The following PCDH7 variants were observed in gnomAD, a reference collection of about 807,000 sequenced individuals.
PCDH7 encodes the protein protocadherin-7.
PCDH7 carries 17 observed loss-of-function variants against 58.9 expected under a neutral mutation model. The observed-to-expected ratio is 0.29, with a 90% CI of 0.20 to 0.43. The LOEUF (loss-of-function observed/expected upper bound fraction) is 0.43. Among genes scored for constraint, PCDH7 ranks in the 20% least tolerant of loss-of-function variants. PCDH7 has a pLI of 1.00. For synonymous variants in PCDH7, 664 were observed against 616.4 expected (o/e 1.08, Z -1.14); for missense variants, 1,274 against 1,441.0 (o/e 0.88, Z 1.88).
chr4:31,015,618 C>T (rs1271375560), intron 3 of PCDH7, among the ~76,000 whole-genome samples: 1 of 152,164 alleles, frequency 6.6e-6, no homozygotes, highest in African/African-American at 2.4e-5. Flanking sequence ...CAGAATCTGT[C>T]TCTGAACTCC....
At chr4:30,977,738 G>T (rs182867000) in intron 3 of PCDH7, among the ~76,000 whole-genome samples, 2 of 152,094 alleles carry the variant, frequency 1.3e-5, no homozygotes, top group African/African-American at 4.8e-5. Flanking sequence ...TTTTGTGTAG[G>T]CCTGTGGCTC....
At chr4:30,962,807 A>T (rs1023474610) in intron 3 of PCDH7, among the ~76,000 whole-genome samples, 9 of 136,308 alleles carry the variant, frequency 6.6e-5, no homozygotes, top group African/African-American at 2.4e-4. Flanking sequence ...AAAAAAAAAC[A>T]GTGGTAATTC....
intron 1 of PCDH7, among the ~76,000 whole-genome samples, chr4:30,908,295 T>A (rs1578248697): frequency 6.7e-6 from 1 of 149,668 alleles, no homozygotes; most frequent in Admixed American, 6.7e-5. Context: ...GCTTCCTAAT[T>A]AAAGAGTCCC....
At chr4:31,093,563 G>T (rs1713544459) in intron 3 of PCDH7, among the ~76,000 whole-genome samples, 1 of 150,144 alleles carries the variant, frequency 6.7e-6, no homozygotes, top group African/African-American at 2.5e-5. Context: ...TGAATTTATA[G>T]AAATAAAGTG....
At chr4:30,863,985 G>C (rs1049077906) in intron 1 of PCDH7, among the ~76,000 whole-genome samples, 4 of 152,088 alleles carry the variant, frequency 2.6e-5, no homozygotes, top group African/African-American at 9.7e-5. Context: ...AAAATAGCTA[G>C]AGCGCATGAC....
exon 4 of PCDH7, chr4:31,142,792 A>G: frequency 1.5e-6 from 2 of 1,367,244 alleles, no homozygotes; most frequent in Non-Finnish European, 2.0e-6. Context: ...TTACAAAAAC[A>G]GGGGAATATA....
In PCDH7 at chr4:30,836,742, A is replaced by G. The variant is rs534226161; in HGVS notation, c.71-83411A>G. 3.3e-4 allele frequency among the ~76,000 whole-genome samples: 51 copies of G among 152,312 alleles called. 1 individual carries two copies. In the South Asian group the frequency reaches 9.9e-3, roughly 30 times the overall value. On this transcript the variant is annotated intron_variant, in intron 1 of 3. Transcript: ENST00000509759. ...ATAATGAAAAAAAAAATCTCACTCT[A>G]GCTGGTTCAGATCATTCCAAAATAG...
At chr4:30,967,941 TG>T (rs1261047816) in intron 3 of PCDH7, among the ~76,000 whole-genome samples, 1 of 152,122 alleles carries the variant, frequency 6.6e-6, no homozygotes, top group East Asian at 1.9e-4. Flanking sequence ...AATTGATTTG[TG>T]TGCCTCACTC....
chr4:30,892,163 G>A (rs1738698405), intron 1 of PCDH7, among the ~76,000 whole-genome samples: 1 of 152,006 alleles, frequency 6.6e-6, no homozygotes, highest in Admixed American at 6.6e-5. Flanking sequence ...AGTAATGTAA[G>A]TTATTTCATT....
intron 1 of PCDH7, among the ~76,000 whole-genome samples, chr4:30,747,498 T>G (rs1717933172): frequency 6.6e-6 from 1 of 152,176 alleles, no homozygotes; most frequent in South Asian, 2.1e-4. Flanking sequence ...TGTTTTCTTG[T>G]CTTCTCTAGC....
At position 30,721,908 on chromosome 4, in the gene PCDH7, C is replaced by T. The variant is rs375852687; in HGVS notation, c.486C>T (p.Tyr162=). ...AGAATCGGCCGGTGGGCACACTTTA[C>T]CTGCTGCCCACAGCCACCGACCGCG... Residue 162 remains tyrosine (Y), a synonymous_variant, in exon 1 of 2, where the codon TAC becomes TAT. Transcript: ENST00000361762. This position sits in a 1 kb window ranked among gnomAD's most constrained non-coding sequence, Gnocchi z 6.7. The T allele has an allele frequency of 3.4e-5, 54 of 1,583,212 alleles. No homozygotes were observed. Among genetic ancestry groups the T allele is most frequent in the Middle Eastern group, 1.7e-4 (1 of 6,046 alleles).
intron 1 of PCDH7, among the ~76,000 whole-genome samples, chr4:30,760,061 GA>G (rs200825346): frequency 1.1e-3 from 167 of 146,218 alleles, no homozygotes; most frequent in East Asian, 3.8e-3. Flanking sequence ...CTACTGATAA[GA>G]AAAAAAAAAA....
intron 1 of PCDH7, among the ~76,000 whole-genome samples, chr4:30,867,310 C>T (rs997074162): frequency 1.3e-5 from 2 of 152,014 alleles, no homozygotes; most frequent in African/African-American, 4.8e-5. Context: ...TTAGTATTTC[C>T]CACAGGCCCC....
At chr4:30,962,915 T>G (rs565673440) in intron 3 of PCDH7, among the ~76,000 whole-genome samples, 1 of 152,260 alleles carries the variant, frequency 6.6e-6, no homozygotes, top group South Asian at 2.1e-4. Context: ...TCTTTATTTC[T>G]GCTGAAGTGG....
intron 2 of PCDH7, among the ~76,000 whole-genome samples, chr4:30,921,323 T>C (rs1160892373): frequency 6.6e-6 from 1 of 152,160 alleles, no homozygotes; most frequent in Non-Finnish European, 1.5e-5. Flanking sequence ...GATTTATGTC[T>C]TTTGCCATCT....
intron 3 of PCDH7, among the ~76,000 whole-genome samples, chr4:31,000,622 C>A (rs1454108568): frequency 6.6e-6 from 1 of 151,958 alleles, no homozygotes; most frequent in African/African-American, 2.4e-5. Flanking sequence ...ACCCATTCAT[C>A]GCTTTCTTTA....
chr4:30,992,793 C>CTTTT lies in PCDH7; in HGVS notation c.*7+42600_*7+42603dup, dbSNP rs577504420. Among the ~76,000 whole-genome samples, 689 of 95,500 alleles carry CTTTT rather than the reference C, an allele frequency of 7.2e-3. 4 individuals carry two copies. The highest frequency in any genetic ancestry group is 8.3e-3 in the African/African-American group (186 of 22,280). 62.7% of individuals were successfully genotyped at this position (95,500 alleles called of 152,430 possible). ...GGCCAAGGAGGACTACTGTCCCATT[C>CTTTT]TTTTTTTTTTTTTTTTTTTTTTTTT... On this transcript the variant is annotated intron_variant, in intron 3 of 3. Coordinates refer to the PCDH7 transcript ENST00000509759.
chr4:30,832,163 T>TG (rs1022128411), intron 1 of PCDH7, among the ~76,000 whole-genome samples: 1 of 152,114 alleles, frequency 6.6e-6, no homozygotes, highest in Non-Finnish European at 1.5e-5. Flanking sequence ...TCTCTTGCTA[T>TG]GGGGGAATGA....
intron 1 of PCDH7, among the ~76,000 whole-genome samples, chr4:30,913,662 G>A (rs996822799): frequency 6.6e-6 from 1 of 152,076 alleles, no homozygotes; most frequent in Non-Finnish European, 1.5e-5. Context: ...AAATGCTCAC[G>A]TCATTTTCCC....
Sources: gnomAD v4.1 joint callset for allele counts (sites outside exome capture counted in the v4.1 genomes callset) on GRCh38, gnomAD v4.1.1 for gene constraint, Gnocchi (gnomAD v3.1) non-coding constraint, MANE v1.5 for transcripts, NCBI Gene and HGNC (gene_info 2026-07-23, HGNC 2026-07-21) for gene names.